The following FBXL13 variants were observed in gnomAD, a reference collection of about 807,000 sequenced individuals.
FBXL13 encodes the protein F-box and leucine-rich repeat protein 13.
A neutral mutation model predicts 83.6 loss-of-function variants in FBXL13; 67 were observed. The ratio of observed to expected loss-of-function variants is 0.80; its 90% CI spans 0.66 to 0.98. FBXL13 has a LOEUF of 0.98. FBXL13 is among the 50% of genes least tolerant of loss of function. The pLI is 0.00. For missense variants in FBXL13, 822 were observed against 866.5 expected (o/e 0.95, Z 0.64); for synonymous variants, 272 against 299.5 (o/e 0.91, Z 0.95).
At chr7:102,968,405 C>T (rs913450958) in intron 6 of FBXL13, among the ~76,000 whole-genome samples, 1 of 152,114 alleles carries the variant, frequency 6.6e-6, no homozygotes, top group Non-Finnish European at 1.5e-5. Flanking sequence ...AGCATATTTG[C>T]TTTATTTTTT....
intron 10 of FBXL13, among the ~76,000 whole-genome samples, chr7:102,921,150 T>A (rs1419962086): frequency 6.6e-6 from 1 of 152,034 alleles, no homozygotes; most frequent in Non-Finnish European, 1.5e-5. Flanking sequence ...AGACTCCGTC[T>A]CAAAACAAAG....
At chr7:103,024,442 G>A (rs943042291) in intron 6 of FBXL13, among the ~76,000 whole-genome samples, 3 of 149,348 alleles carry the variant, frequency 2.0e-5, no homozygotes, top group Non-Finnish European at 3.0e-5. Flanking sequence ...CTGGAGAATC[G>A]CTTGAACCCA....
At position 102,868,135 on chromosome 7, in the gene FBXL13, T is replaced by C. The variant is rs148846040; in HGVS notation, c.1635+9332A>G. On this transcript the variant is annotated intron_variant, in intron 16 of 19. Coordinates refer to ENST00000313221, the Ensembl canonical transcript of FBXL13. ...AGTAATTAGCATATCTATCACCTCATTGATCATTTCTTTGTGGTGAGCACA... is the reference window on the plus strand; with the variant it reads ...AGTAATTAGCATATCTATCACCTCACTGATCATTTCTTTGTGGTGAGCACA... Among the ~76,000 whole-genome samples, 268 of 152,308 alleles carry C rather than the reference T, an allele frequency of 1.8e-3. 4 individuals carry two copies. Among genetic ancestry groups the C allele is most frequent in the South Asian group, 0.017 (80 of 4,828 alleles).
intron 11 of FBXL13, chr7:102,912,885 G>T: frequency 1.7e-6 from 1 of 583,584 alleles, no homozygotes; most frequent in Non-Finnish European, 2.9e-6. Flanking sequence ...TTGTCTGTGT[G>T]ACACTCCAGT....
chr7:102,894,282 T>C (rs2129461609), intron 11 of FBXL13, among the ~76,000 whole-genome samples: 1 of 152,346 alleles, frequency 6.6e-6, no homozygotes, highest in African/African-American at 2.4e-5. Flanking sequence ...AGCCTACCTT[T>C]AAGTTTCGTG....
intron 11 of FBXL13, among the ~76,000 whole-genome samples, chr7:102,907,455 G>T (rs973948984): frequency 2.6e-5 from 4 of 151,890 alleles, no homozygotes; most frequent in Non-Finnish European, 2.9e-5. Flanking sequence ...ATCTCCTAAT[G>T]CTATCTCTCC....
chr7:102,831,457 C>T (rs1308632948), intron 18 of FBXL13, among the ~76,000 whole-genome samples: 2 of 150,976 alleles, frequency 1.3e-5, no homozygotes, highest in African/African-American at 4.9e-5. Context: ...TTATCTTGTC[C>T]AAAATATGAA....
chr7:103,045,827 A>G (rs1796220373), intron 2 of FBXL13, among the ~76,000 whole-genome samples: 1 of 152,202 alleles, frequency 6.6e-6, no homozygotes, highest in African/African-American at 2.4e-5. Flanking sequence ...ACCAAAACTT[A>G]GGGCCTTAGT....
At chr7:102,904,444 T>C (rs561673693) in intron 11 of FBXL13, among the ~76,000 whole-genome samples, 1 of 152,184 alleles carries the variant, frequency 6.6e-6, no homozygotes, top group South Asian at 2.1e-4. Flanking sequence ...AACGTGCAGG[T>C]TTGTTACATA....
At chr7:103,046,588 A>C (rs371952075) in intron 2 of FBXL13, among the ~76,000 whole-genome samples, 1 of 152,200 alleles carries the variant, frequency 6.6e-6, no homozygotes, top group Non-Finnish European at 1.5e-5. Flanking sequence ...ATTCATGTAT[A>C]AGGCTGGTGC....
chr7:103,045,845 T>G (rs961952866), intron 2 of FBXL13, among the ~76,000 whole-genome samples: 2 of 152,238 alleles, frequency 1.3e-5, no homozygotes, highest in African/African-American at 4.8e-5. Context: ...AGTGCCACTC[T>G]CAGTTACCAT....
At chr7:103,061,308 G>A (rs1001293599) in intron 1 of FBXL13, among the ~76,000 whole-genome samples, 1 of 152,186 alleles carries the variant, frequency 6.6e-6, no homozygotes, top group African/African-American at 2.4e-5. Flanking sequence ...ATACCTGCCG[G>A]ACTGGGCCTG....
intron 17 of FBXL13, among the ~76,000 whole-genome samples, chr7:102,837,028 T>C (rs1802107514): frequency 6.6e-6 from 1 of 152,250 alleles, no homozygotes. Context: ...CATTTTTGGC[T>C]GCCCCAAAGG....
chr7:103,002,591 C>A (rs968275725), intron 6 of FBXL13, among the ~76,000 whole-genome samples: 2 of 152,108 alleles, frequency 1.3e-5, no homozygotes, highest in South Asian at 2.1e-4. Flanking sequence ...TGTTAAGATG[C>A]CTTTGGTGTT....
At chr7:103,062,961 C>A (rs573777442) in intron 1 of FBXL13, among the ~76,000 whole-genome samples, 2 of 152,310 alleles carry the variant, frequency 1.3e-5, no homozygotes, top group South Asian at 4.1e-4. Context: ...CCTCAGCTGA[C>A]CACTCTTGCT....
exon 8 of FBXL13, chr7:102,963,624 A>G (rs752162351): frequency 1.9e-6 from 3 of 1,607,730 alleles, no homozygotes; most frequent in Admixed American, 3.4e-5. Flanking sequence ...TAGACACTAT[A>G]TATTTATCTG....
In FBXL13 at chr7:102,954,409, A is replaced by C. The variant is rs187124404; in HGVS notation, c.724+9124T>G. ...TGAAGGAAGCACTAAACATGGAAAG[A>C]AACAACCGGTACCAGCCACTGCAAA... On this transcript the variant is annotated intron_variant, in intron 8 of 19. Transcript: ENST00000313221. Among the ~76,000 whole-genome samples, 43 of 152,316 alleles carry C rather than the reference A, an allele frequency of 2.8e-4. No homozygotes were observed. In the East Asian group the frequency reaches 6.8e-3, roughly 24 times the overall value.
intron 12 of FBXL13, among the ~76,000 whole-genome samples, 156 bp from the exon 14 acceptor site, chr7:102,883,841 A>G (rs1311465828): frequency 6.6e-6 from 1 of 152,220 alleles, no homozygotes; most frequent in Admixed American, 6.5e-5. Context: ...ACATTTTAAT[A>G]CACCTACATT....
intron 8 of FBXL13, chr7:102,933,917 C>A: frequency 6.3e-7 from 1 of 1,597,958 alleles, no homozygotes; most frequent in Non-Finnish European, 8.6e-7. Context: ...TGTCAGGATG[C>A]GTGTGGTTAC....
Sources: gnomAD v4.1 joint callset for allele counts (sites outside exome capture counted in the v4.1 genomes callset) on GRCh38, gnomAD v4.1.1 for gene constraint, MANE v1.5 for transcripts, NCBI Gene and HGNC (gene_info 2026-07-23, HGNC 2026-07-21) for gene names.